Variants in TMCC1 observed in about 807,000 individuals in gnomAD.
TMCC1 encodes transmembrane and coiled-coil domain family 1.
TMCC1 carries 15 observed loss-of-function variants against 52.4 expected under a neutral mutation model. That is an observed-to-expected ratio of 0.29 (90% confidence interval 0.19 to 0.44). The LOEUF is 0.44. Among genes scored for constraint, TMCC1 ranks in the 20% least tolerant of loss-of-function variants. TMCC1 has a pLI of 1.00. For missense variants in TMCC1, 503 were observed against 806.0 expected (o/e 0.62, Z 4.55); for synonymous variants, 279 against 301.9 (o/e 0.92, Z 0.79).
rs377344127 is a variant in TMCC1, at chr3:129,779,507, G to A, written c.576+48296C>T. On this transcript the variant is annotated intron_variant, in intron 4 of 6. Coordinates refer to ENST00000393238, the MANE Select transcript of TMCC1 (RefSeq NM_001017395.5). ...ATAAGTATGCGTGATACATTTATGT[G>A]GTAGTTAGTCCTTTGATATTATGGG... Among the ~76,000 whole-genome samples the A allele has an allele frequency of 5.9e-5, 9 of 152,082 alleles. No individual in the cohort carries two copies. In the East Asian group the frequency reaches 1.3e-3, roughly 23 times the overall value.
intron 2 of TMCC1, among the ~76,000 whole-genome samples, chr3:129,838,941 C>A (rs1332848219): frequency 6.6e-6 from 1 of 151,902 alleles, no homozygotes; most frequent in African/African-American, 2.4e-5. Context: ...CTTTAAAGTG[C>A]TGAAAAGAAA....
chr3:129,855,282 TGA>T (rs2060102010), intron 2 of TMCC1, among the ~76,000 whole-genome samples: 1 of 152,192 alleles, frequency 6.6e-6, no homozygotes, highest in Non-Finnish European at 1.5e-5. Flanking sequence ...ATTAGTTTTT[TGA>T]GTTTTTCTTA....
intron 2 of TMCC1, among the ~76,000 whole-genome samples, chr3:129,844,631 A>G (rs1026998086): frequency 3.9e-5 from 6 of 152,304 alleles, no homozygotes; most frequent in African/African-American, 1.4e-4. Context: ...TAACCGCAAG[A>G]AAGGTGCTAG....
At chr3:129,804,019 A>G (rs1236387594) in intron 4 of TMCC1, among the ~76,000 whole-genome samples, 1 of 152,164 alleles carries the variant, frequency 6.6e-6, no homozygotes, top group East Asian at 1.9e-4. Flanking sequence ...CACGTTGAAC[A>G]TGAACATTAC....
At chr3:129,827,094 C>G (rs1006527100) in intron 4 of TMCC1, among the ~76,000 whole-genome samples, 11 of 152,198 alleles carry the variant, frequency 7.2e-5, no homozygotes, top group African/African-American at 2.7e-4. Flanking sequence ...CTCAGTTTGT[C>G]CAAGCTCCAT....
At chr3:129,697,047 G>C (rs776866227) in intron 4 of TMCC1, among the ~76,000 whole-genome samples, 1 of 152,200 alleles carries the variant, frequency 6.6e-6, no homozygotes, top group Non-Finnish European at 1.5e-5. Context: ...TCTGGAGAAT[G>C]GTGGCCCTCT....
intron 4 of TMCC1, among the ~76,000 whole-genome samples, chr3:129,783,703 T>C (rs1399459072): frequency 6.6e-6 from 1 of 152,252 alleles, no homozygotes; most frequent in Non-Finnish European, 1.5e-5. Context: ...TTTGCTTCTA[T>C]GAGGTAGGAG....
chr3:129,883,955 A>G (rs1160270940), intron 1 of TMCC1, among the ~76,000 whole-genome samples: 4 of 152,164 alleles, frequency 2.6e-5, no homozygotes, highest in Non-Finnish European at 5.9e-5. Flanking sequence ...ACAGAAAAAT[A>G]AACCCAATGA....
chr3:129,773,977 T>C (rs1332714778), intron 4 of TMCC1, among the ~76,000 whole-genome samples: 2 of 152,212 alleles, frequency 1.3e-5, no homozygotes, highest in African/African-American at 4.8e-5. Context: ...TTATATTGTA[T>C]ACCTTAAAGA....
chr3:129,763,542 CAAAA>C (rs11354197), intron 4 of TMCC1, among the ~76,000 whole-genome samples: 4 of 44,654 alleles, frequency 9.0e-5, no homozygotes, highest in South Asian at 9.3e-4. Flanking sequence ...GACCCTGTCT[CAAAA>C]AAAAAAAAAA....
intron 3 of TMCC1, among the ~76,000 whole-genome samples, chr3:129,830,856 TA>T (rs1158120322): frequency 6.6e-6 from 1 of 152,220 alleles, no homozygotes; most frequent in African/African-American, 2.4e-5. Flanking sequence ...GCTGCCTATT[TA>T]AAAAATAGAG....
intron 4 of TMCC1, among the ~76,000 whole-genome samples, chr3:129,798,315 G>T (rs2056976640): frequency 6.6e-6 from 1 of 151,942 alleles, no homozygotes; most frequent in Non-Finnish European, 1.5e-5. Flanking sequence ...TTTTTGAGTG[G>T]TAAGAGTACC....
intron 4 of TMCC1, among the ~76,000 whole-genome samples, chr3:129,781,215 C>G (rs953370714): frequency 3.9e-5 from 6 of 152,140 alleles, no homozygotes; most frequent in African/African-American, 1.4e-4. Flanking sequence ...CATCAAACAC[C>G]TCCATTCATT....
At chr3:129,732,560 C>G (rs546028211) in intron 4 of TMCC1, among the ~76,000 whole-genome samples, 48 of 152,270 alleles carry the variant, frequency 3.2e-4, no homozygotes, top group African/African-American at 1.1e-3. Context: ...CCAGTACTTT[C>G]TAGGTCAATG....
chr3:129,847,275 G>A (rs1257201995), intron 2 of TMCC1: 1 of 152,198 alleles, frequency 6.6e-6, no homozygotes, highest in Non-Finnish European at 1.5e-5. Flanking sequence ...TCAAGTTAGA[G>A]TGTCCAGTGA....
At chr3:129,875,308 C>T (rs751572872) in intron 2 of TMCC1, among the ~76,000 whole-genome samples, 3 of 151,226 alleles carry the variant, frequency 2.0e-5, no homozygotes, top group Non-Finnish European at 3.0e-5. Flanking sequence ...GCCAACATGG[C>T]GAAACCCTGT....
Position 129,834,691 on chromosome 3 carries a change from C to A in TMCC1, c.-183-1865G>T, listed in dbSNP as rs1207484384. Among the ~76,000 whole-genome samples the A allele has an allele frequency of 2.0e-5, 3 of 151,972 alleles. No homozygotes were observed. The South Asian group carries it at 6.2e-4, about 32-fold the overall frequency. On this transcript the variant is annotated intron_variant, in intron 2 of 6. Transcript: ENST00000393238. ...AAAAGATGACAAGGAAGAGCTGAGCCCATTAGTATGGCTGGGAATGGAATA... is the reference window on the plus strand; with the variant it reads ...AAAAGATGACAAGGAAGAGCTGAGCACATTAGTATGGCTGGGAATGGAATA...
intron 2 of TMCC1, among the ~76,000 whole-genome samples, chr3:129,866,406 T>C (rs1404632845): frequency 7.1e-6 from 1 of 141,222 alleles, no homozygotes; most frequent in Non-Finnish European, 1.5e-5. Context: ...AGACAGAGTT[T>C]CGCTCTTGTT....
chr3:129,691,662 T>C (rs7628017), intron 4 of TMCC1, among the ~76,000 whole-genome samples: 2,605 of 152,176 alleles, frequency 0.017, 36 homozygotes, highest in Non-Finnish European at 0.025. Context: ...TACATGCCTG[T>C]AGTCCCAGCT....
Sources: allele counts gnomAD v4.1 joint callset (sites outside exome capture counted in the v4.1 genomes callset), GRCh38; gene constraint gnomAD v4.1.1; transcripts MANE v1.5; gene names NCBI Gene and HGNC (gene_info 2026-07-23, HGNC 2026-07-21).